NRG3: variants seen among roughly 807,000 people sequenced by gnomAD.
The protein encoded by NRG3 is neuregulin 3.
A neutral mutation model predicts 66.9 loss-of-function variants in NRG3; 31 were observed. The ratio of observed to expected loss-of-function variants is 0.46; its 90% CI spans 0.35 to 0.63. The LOEUF is 0.63. Ranked by LOEUF, NRG3 falls within the 20% of genes least tolerant of loss-of-function variation. The probability of loss-of-function intolerance (pLI) is 0.00; values close to 1 mark genes in which losing one functional copy is unlikely to be tolerated. For missense variants in NRG3, 910 were observed against 878.9 expected, an observed-to-expected ratio of 1.04 and a Z score of -0.45; for synonymous variants, 393 against 359.4, an observed-to-expected ratio of 1.09 and a Z score of -1.06.
intron 4 of NRG3, among the ~76,000 whole-genome samples, chr10:82,925,834 G>T (rs1923560): frequency 0.34 from 51,635 of 152,036 alleles, 9,163 homozygotes; most frequent in East Asian, 0.62. Flanking sequence ...ATGACCTATT[G>T]CCTTAGTCTT....
At chr10:82,879,719 G>A (rs1471298842) in intron 4 of NRG3, among the ~76,000 whole-genome samples, 1 of 151,866 alleles carries the variant, frequency 6.6e-6, no homozygotes, top group Non-Finnish European at 1.5e-5. Flanking sequence ...CTCATGATCC[G>A]CCCTCCTCGG....
intron 2 of NRG3, among the ~76,000 whole-genome samples, chr10:82,530,464 A>G (rs183389652): frequency 2.0e-5 from 3 of 152,014 alleles, no homozygotes; most frequent in African/African-American, 7.2e-5. Context: ...TACAAGGCTT[A>G]TCCTTAATTG....
chr10:82,876,062 A>G (rs1841792425), intron 4 of NRG3, among the ~76,000 whole-genome samples: 1 of 152,238 alleles, frequency 6.6e-6, no homozygotes, highest in Non-Finnish European at 1.5e-5. Flanking sequence ...GTATTTCTGT[A>G]AAGATGTTTT....
chr10:81,974,984 A>C (rs970000599), intron 1 of NRG3, among the ~76,000 whole-genome samples: 6 of 152,130 alleles, frequency 3.9e-5, no homozygotes, highest in Admixed American at 3.3e-4. Flanking sequence ...TAAGTTGGGC[A>C]GGCCTAATCT....
Position 82,021,530 on chromosome 10 carries a change from A to C in NRG3, c.823+145367A>C, listed in dbSNP as rs140748877. Among the ~76,000 whole-genome samples the C allele has an allele frequency of 3.8e-3, 573 of 152,194 alleles. 4 individuals are homozygous for C. Among genetic ancestry groups the C allele is most frequent in the Non-Finnish European group, 5.2e-3 (355 of 68,002 alleles). On this transcript the variant is annotated intron_variant, in intron 1 of 8. Transcript: ENST00000372141. ...GCTTTGTGGATTATGGCATTGGGTT[A>C]CCAGAACAGCAATCAAAATGCACCT...
At chr10:82,366,294 G>GA (rs1666614934) in intron 2 of NRG3, among the ~76,000 whole-genome samples, 1 of 152,082 alleles carries the variant, frequency 6.6e-6, no homozygotes, top group Admixed American at 6.5e-5. Flanking sequence ...TGAAGCCAAG[G>GA]AAAAGCATAT....
chr10:82,470,191 T>C (rs1841115855), intron 2 of NRG3, among the ~76,000 whole-genome samples: 1 of 152,226 alleles, frequency 6.6e-6, no homozygotes, highest in Admixed American at 6.5e-5. Flanking sequence ...TAAACAGATC[T>C]CTATTTATTG....
intron 1 of NRG3, among the ~76,000 whole-genome samples, chr10:82,177,652 C>A (rs1027583174): frequency 5.9e-5 from 9 of 152,118 alleles, no homozygotes; most frequent in Non-Finnish European, 1.3e-4. Flanking sequence ...CAGCTCGCTG[C>A]CACTTCTACC....
At chr10:82,523,265 G>A in intron 2 of NRG3, among the ~76,000 whole-genome samples, 1 of 151,654 alleles carries the variant, frequency 6.6e-6, no homozygotes, top group Non-Finnish European at 1.5e-5. Context: ...ATTTCTCTTG[G>A]GTATATATCT....
At chr10:82,139,566 T>G (rs1279315803) in intron 1 of NRG3, among the ~76,000 whole-genome samples, 1 of 152,198 alleles carries the variant, frequency 6.6e-6, no homozygotes, top group Non-Finnish European at 1.5e-5. Flanking sequence ...ACATTATTGT[T>G]AATTTTTTTC....
Position 82,632,701 on chromosome 10 carries a change from C to A in NRG3, c.954-105876C>A, listed in dbSNP as rs561682760. Among the ~76,000 whole-genome samples the A allele has an allele frequency of 2.6e-5, 4 of 152,212 alleles. No individual in the cohort carries two copies. The South Asian group carries it at 8.3e-4, about 32-fold the overall frequency. ...AGTAAATGCCATGTTTTAGGTACCC[C>A]AAAATACTTGTGAATCATAGTAATA... On this transcript the variant is annotated intron_variant, in intron 2 of 8. Coordinates refer to ENST00000372141, the MANE Select transcript of NRG3 (RefSeq NM_001010848.4).
At chr10:82,270,863 T>G (rs2078556712) in intron 1 of NRG3, among the ~76,000 whole-genome samples, 1 of 152,132 alleles carries the variant, frequency 6.6e-6, no homozygotes, top group Non-Finnish European at 1.5e-5. Flanking sequence ...ATACTGTGGA[T>G]GCCCAATGCA....
intron 4 of NRG3, among the ~76,000 whole-genome samples, chr10:82,907,149 G>T (rs1034804753): frequency 1.3e-5 from 2 of 152,104 alleles, no homozygotes; most frequent in African/African-American, 4.8e-5. Flanking sequence ...CTCTTGGGGC[G>T]CTGTCTACCC....
At chr10:82,203,118 A>C (rs1405215853) in intron 1 of NRG3, among the ~76,000 whole-genome samples, 1 of 152,220 alleles carries the variant, frequency 6.6e-6, no homozygotes, top group East Asian at 1.9e-4. Flanking sequence ...ACCATCTGTG[A>C]GTCATGTGTA....
chr10:82,083,569 C>G (rs2065519839), intron 1 of NRG3, among the ~76,000 whole-genome samples: 1 of 150,338 alleles, frequency 6.7e-6, no homozygotes, highest in African/African-American at 2.4e-5. Context: ...TTCTCTCTTA[C>G]AACCTCTCCT....
intron 1 of NRG3, among the ~76,000 whole-genome samples, chr10:82,175,862 G>T (rs1764079): frequency 0.72 from 109,129 of 152,048 alleles, 39,392 homozygotes; most frequent in South Asian, 0.85. Flanking sequence ...TTCTCTAGTT[G>T]ATATATATCA....
At chr10:82,827,880 C>G (rs2062315341) in intron 3 of NRG3, among the ~76,000 whole-genome samples, 1 of 152,114 alleles carries the variant, frequency 6.6e-6, no homozygotes, top group African/African-American at 2.4e-5. Context: ...TAATATATGC[C>G]TAATACTGTC....
intron 1 of NRG3, among the ~76,000 whole-genome samples, chr10:82,078,035 A>G (rs923996730): frequency 6.6e-6 from 1 of 152,172 alleles, no homozygotes; most frequent in African/African-American, 2.4e-5. Flanking sequence ...ATGGTGGCCA[A>G]TATGCTAAAT....
At chr10:82,312,654 C>T (rs2081089020) in intron 1 of NRG3, among the ~76,000 whole-genome samples, 1 of 152,004 alleles carries the variant, frequency 6.6e-6, no homozygotes, top group African/African-American at 2.4e-5. Flanking sequence ...AAGATGGCAC[C>T]TAGTGTATGA....
Sources: allele counts gnomAD v4.1 joint callset (sites outside exome capture counted in the v4.1 genomes callset), GRCh38; gene constraint gnomAD v4.1.1; transcripts MANE v1.5; gene names NCBI Gene and HGNC (gene_info 2026-07-23, HGNC 2026-07-21).